The following FBXL13 variants were observed in gnomAD, a reference collection of about 807,000 sequenced individuals.
The protein encoded by FBXL13 is F-box and leucine-rich repeat protein 13.
A neutral mutation model predicts 83.6 loss-of-function variants in FBXL13; 67 were observed. The ratio of observed to expected loss-of-function variants is 0.80; its 90% CI spans 0.66 to 0.98. The LOEUF (loss-of-function observed/expected upper bound fraction) is 0.98. FBXL13 is among the 50% of genes least tolerant of loss of function. FBXL13 has a pLI of 0.00. For synonymous variants in FBXL13, 272 were observed against 299.5 expected (o/e 0.91, Z 0.95); for missense variants, 822 against 866.5 (o/e 0.95, Z 0.64).
intron 14 of FBXL13, among the ~76,000 whole-genome samples, chr7:102,880,253 C>G (rs1246103880): frequency 1.3e-5 from 2 of 152,288 alleles, no homozygotes; most frequent in African/African-American, 4.8e-5. Flanking sequence ...TCTTTAACTA[C>G]CCAACTTACT....
intron 6 of FBXL13, among the ~76,000 whole-genome samples, chr7:103,005,132 A>T (rs1322356264): frequency 6.6e-6 from 1 of 152,254 alleles, no homozygotes; most frequent in East Asian, 1.9e-4. Flanking sequence ...TCATTTACTC[A>T]GAACTGATAT....
rs776899412 is a variant in FBXL13 at position 102,883,670 on chromosome 7, A to T, written c.1123T>A (p.Cys375Ser). Reference sequence around the variant, plus strand: ...AAAACCAGCGATGTAATACGAGAGCATTTTTCAACTAAAGCCTTTAGAAGA... The same window carrying T: ...AAAACCAGCGATGTAATACGAGAGCTTTTTTCAACTAAAGCCTTTAGAAGA... The change falls in exon 13 of 20, where the codon TGC (cysteine) becomes AGC (serine). Residue 375 changes from cysteine to serine, a missense_variant. Physicochemically the swap from Cys to Ser is moderately radical, Grantham distance 112. Coordinates refer to ENST00000313221, the Ensembl canonical transcript of FBXL13. The T allele has an allele frequency of 6.2e-7, 1 of 1,604,574 alleles. No homozygotes were observed. Among genetic ancestry groups the T allele is most frequent in the Non-Finnish European group, 8.5e-7 (1 of 1,172,642 alleles).
chr7:102,857,656 T>TC (rs1267242183), intron 16 of FBXL13: 1 of 152,008 alleles, frequency 6.6e-6, no homozygotes, highest in Non-Finnish European at 1.5e-5. Context: ...GTAGCTGCAC[T>TC]CCCCTGCTTG....
chr7:103,055,386 C>T (rs1415462970), intron 2 of FBXL13, among the ~76,000 whole-genome samples: 1 of 152,098 alleles, frequency 6.6e-6, no homozygotes, highest in Non-Finnish European at 1.5e-5. Flanking sequence ...GATATGCCTC[C>T]CTTTCCTCTT....
chr7:103,009,726 C>T lies in FBXL13; in HGVS notation c.495+15337G>A, dbSNP rs747363795. Among the ~76,000 whole-genome samples, 5 of 152,322 alleles carry T rather than the reference C, an allele frequency of 3.3e-5. No homozygotes were observed. In the South Asian group the frequency reaches 8.3e-4, roughly 25 times the overall value. On this transcript the variant is annotated intron_variant, in intron 6 of 19. Coordinates refer to ENST00000313221, the Ensembl canonical transcript of FBXL13. Reference sequence around the variant, plus strand: ...CCTCCTTGCTGGACAGGGCTAGGCACCAGTTTCCAGCCCAGCAGTCCTGCT... The same window carrying T: ...CCTCCTTGCTGGACAGGGCTAGGCATCAGTTTCCAGCCCAGCAGTCCTGCT...
At chr7:103,059,932 G>A (rs1202136329) in intron 1 of FBXL13, among the ~76,000 whole-genome samples, 1 of 147,274 alleles carries the variant, frequency 6.8e-6, no homozygotes, top group African/African-American at 2.5e-5. Flanking sequence ...AGGTTCATAC[G>A]CTATAGGGCT....
intron 18 of FBXL13, 61 bp downstream of exon 19, chr7:102,832,779 C>T: frequency 6.3e-7 from 1 of 1,596,324 alleles, no homozygotes; most frequent in Non-Finnish European, 8.5e-7. Flanking sequence ...GATCGCTGTC[C>T]TGCCTTGTCC....
intron 2 of FBXL13, among the ~76,000 whole-genome samples, chr7:103,036,739 T>C (rs561270735): frequency 3.9e-5 from 6 of 152,196 alleles, no homozygotes; most frequent in South Asian, 4.1e-4. Context: ...CTTGAACTCC[T>C]GGCCTCAAGT....
chr7:103,064,050 G>A (rs1448027468), intron 1 of FBXL13, among the ~76,000 whole-genome samples: 3 of 152,058 alleles, frequency 2.0e-5, no homozygotes, highest in African/African-American at 7.2e-5. Context: ...TTCCCCAACT[G>A]GCCTTTTGTG....
intron 1 of FBXL13, among the ~76,000 whole-genome samples, chr7:103,059,372 G>A (rs1400884969): frequency 1.3e-5 from 2 of 152,188 alleles, no homozygotes; most frequent in African/African-American, 4.8e-5. Flanking sequence ...TGAGTGAACA[G>A]CGCATAGCTA....
chr7:103,001,700 T>A (rs1790422181), intron 6 of FBXL13, among the ~76,000 whole-genome samples: 1 of 152,218 alleles, frequency 6.6e-6, no homozygotes, highest in Non-Finnish European at 1.5e-5. Flanking sequence ...GGACACTTGC[T>A]TCCTCTCTTC....
chr7:102,959,558 T>G (rs1397185609), intron 8 of FBXL13, among the ~76,000 whole-genome samples: 2 of 152,102 alleles, frequency 1.3e-5, no homozygotes, highest in Non-Finnish European at 2.9e-5. Context: ...GCAACTTCAT[T>G]TTACCCTTTA....
At chr7:102,835,041 T>TA (rs1801629118) in intron 17 of FBXL13, among the ~76,000 whole-genome samples, 1 of 152,146 alleles carries the variant, frequency 6.6e-6, no homozygotes, top group Non-Finnish European at 1.5e-5. Context: ...CCAATAATAA[T>TA]AAAGATGCAC....
At chr7:102,840,664 C>T (rs550234537) in intron 17 of FBXL13, among the ~76,000 whole-genome samples, 13 of 152,312 alleles carry the variant, frequency 8.5e-5, no homozygotes, top group South Asian at 4.2e-4. Flanking sequence ...GTACTGCTTT[C>T]ACCTCCCATT....
chr7:103,056,477 G>T lies in FBXL13; in HGVS notation c.-104-730C>A, dbSNP rs188868693. ...CTGTTTACTAGTTTACTTTTTTTTT[G>T]AGCAGAGTCTTGCTCTTGTCGCCCA... On this transcript the variant is annotated intron_variant, in intron 1 of 19. Coordinates refer to ENST00000313221, the Ensembl canonical transcript of FBXL13. Among the ~76,000 whole-genome samples the T allele has an allele frequency of 5.0e-3, 750 of 150,674 alleles. 10 individuals are homozygous for T. Among genetic ancestry groups the T allele is most frequent in the African/African-American group, 0.017 (693 of 41,098 alleles).
At chr7:102,813,189 G>T, downstream of FBXL13, 1 of 738,678 alleles carries the variant, frequency 1.4e-6, no homozygotes. Flanking sequence ...CTACTGATGT[G>T]TTTGGAAATA....
At chr7:102,832,409 C>A (rs531875702) in intron 18 of FBXL13, among the ~76,000 whole-genome samples, 3 of 152,266 alleles carry the variant, frequency 2.0e-5, no homozygotes, top group Admixed American at 1.3e-4. Flanking sequence ...AGGAAAGATG[C>A]AAATTATTTG....
At chr7:102,813,795 A>C (rs1797624851) in intron 19 of FBXL13, among the ~76,000 whole-genome samples, 1 of 152,206 alleles carries the variant, frequency 6.6e-6, no homozygotes, top group South Asian at 2.1e-4. Context: ...ATGGAAGAGG[A>C]ACACTGAGGC....
intron 6 of FBXL13, among the ~76,000 whole-genome samples, chr7:103,001,009 A>T (rs368680565): frequency 6.6e-6 from 1 of 152,192 alleles, no homozygotes; most frequent in African/African-American, 2.4e-5. Flanking sequence ...CAGTGGCACA[A>T]TCATGGCTCA....
Sources: allele counts gnomAD v4.1 joint callset (sites outside exome capture counted in the v4.1 genomes callset), GRCh38; gene constraint gnomAD v4.1.1; transcripts MANE v1.5; gene names NCBI Gene and HGNC (gene_info 2026-07-23, HGNC 2026-07-21).